The following ARHGEF3 variants were observed in gnomAD, a reference collection of about 807,000 sequenced individuals.
ARHGEF3 encodes Rho guanine nucleotide exchange factor 3, also known as 59.8 kDA protein.
A neutral mutation model predicts 63.2 loss-of-function variants in ARHGEF3; 28 were observed. The observed-to-expected ratio is 0.44, with a 90% CI of 0.33 to 0.61. The LOEUF (loss-of-function observed/expected upper bound fraction) is 0.61, where lower values mean the gene tolerates loss of function less well. ARHGEF3 is among the 20% of genes least tolerant of loss of function. The pLI, the probability that ARHGEF3 is intolerant of heterozygous loss-of-function variation, is 0.03. For synonymous variants in ARHGEF3, 266 were observed against 254.2 expected (o/e 1.05, Z -0.44); for missense variants, 533 against 659.3 (o/e 0.81, Z 2.10).
At chr3:56,942,908 C>T (rs1193754756) in intron 3 of ARHGEF3, among the ~76,000 whole-genome samples, 2 of 152,184 alleles carry the variant, frequency 1.3e-5, no homozygotes, top group East Asian at 1.9e-4. Context: ...CAGAGCAAGG[C>T]CCTAACTCTC....
rs1560156296 is a variant in ARHGEF3 at position 57,042,689 on chromosome 3, TATA to T, written c.-27-7516_-27-7514del. The stretch of plus-strand genomic sequence containing the variant: ...ATATATATATATATATATATATATA[TATA>T]TATATATATTTTTTTTTTTTTTTAG... On this transcript the variant is annotated intron_variant, in intron 1 of 12. Coordinates refer to the ARHGEF3 transcript ENST00000338458. Among the ~76,000 whole-genome samples, 21 of 25,206 alleles carry T rather than the reference TATA, an allele frequency of 8.3e-4. 2 individuals are homozygous for T. The highest frequency in any genetic ancestry group is 1.5e-3 in the South Asian group (1 of 684). The allele number at this position is 25,206 out of a possible 152,430, so 16.5% of individuals were successfully genotyped here.
intron 3 of ARHGEF3, among the ~76,000 whole-genome samples, chr3:56,935,558 C>T (rs935564165): frequency 1.3e-5 from 2 of 152,252 alleles, no homozygotes; most frequent in Middle Eastern, 3.4e-3. Flanking sequence ...AGCTTCACTC[C>T]TGAGCCCAGC....
chr3:56,841,713 T>C (rs2039313946), intron 4 of ARHGEF3, among the ~76,000 whole-genome samples: 1 of 152,132 alleles, frequency 6.6e-6, no homozygotes, highest in Non-Finnish European at 1.5e-5. Flanking sequence ...TCACTGTGAT[T>C]CCATGCTTTA....
chr3:56,857,685 G>C (rs1414696252), intron 4 of ARHGEF3, among the ~76,000 whole-genome samples: 1 of 152,174 alleles, frequency 6.6e-6, no homozygotes, highest in Non-Finnish European at 1.5e-5. Context: ...AAAGAAGCGG[G>C]GAGATGGGGG....
rs973249217 is a variant in ARHGEF3, at chr3:56,734,095, T to C, written c.1042-1671A>G. On this transcript the variant is annotated intron_variant, in intron 8 of 9. Coordinates refer to ENST00000296315, the MANE Select transcript of ARHGEF3 (RefSeq NM_019555.3). ...AGTTGACGACTGATGTGTGTGATGTTGGCAAAAAGAAAATTGCAAAAATGA... is the reference window on the plus strand; with the variant it reads ...AGTTGACGACTGATGTGTGTGATGTCGGCAAAAAGAAAATTGCAAAAATGA... 2.6e-5 allele frequency among the ~76,000 whole-genome samples: 4 copies of C among 152,066 alleles called. No homozygotes were observed. In the South Asian group the frequency reaches 6.2e-4, roughly 24 times the overall value.
intron 3 of ARHGEF3, among the ~76,000 whole-genome samples, chr3:56,924,909 G>A (rs2042238529): frequency 6.6e-6 from 1 of 152,236 alleles, no homozygotes. Flanking sequence ...AGTTGCTCTT[G>A]TTCACATGCC....
Position 56,887,126 on chromosome 3 carries a change from G to A in ARHGEF3, c.130-4772C>T, listed in dbSNP as rs113766701. On this transcript the variant is annotated intron_variant, in intron 3 of 12. Coordinates refer to the ARHGEF3 transcript ENST00000338458. Reference sequence around the variant, plus strand: ...ATCAGTGTCTGCTATCAGGTAGCAGGCATTGGTGGCAAGCACTGGTGGCAA... The same window carrying A: ...ATCAGTGTCTGCTATCAGGTAGCAGACATTGGTGGCAAGCACTGGTGGCAA... 2.5e-3 allele frequency among the ~76,000 whole-genome samples: 385 copies of A among 152,294 alleles called. 3 individuals carry two copies. Among genetic ancestry groups the A allele is most frequent in the African/African-American group, 8.7e-3 (360 of 41,552 alleles).
intron 1 of ARHGEF3, among the ~76,000 whole-genome samples, chr3:56,784,305 T>G (rs564726783): frequency 6.6e-6 from 1 of 152,352 alleles, no homozygotes; most frequent in East Asian, 1.9e-4. Flanking sequence ...TATGCATTTT[T>G]GGCAAGAATG....
At chr3:56,964,922 TG>T (rs1553792612) in intron 2 of ARHGEF3, among the ~76,000 whole-genome samples, 1 of 151,226 alleles carries the variant, frequency 6.6e-6, no homozygotes, top group Non-Finnish European at 1.5e-5. Flanking sequence ...CAAAAAGAGG[TG>T]GAAAGGACAC....
chr3:56,779,490 T>A (rs1009421026), intron 1 of ARHGEF3, among the ~76,000 whole-genome samples: 1 of 151,790 alleles, frequency 6.6e-6, no homozygotes, highest in Non-Finnish European at 1.5e-5. Context: ...TTTTTTATTT[T>A]TTTTTTTTGT....
At chr3:56,808,118 T>G (rs1475703411) in intron 4 of ARHGEF3, among the ~76,000 whole-genome samples, 1 of 137,362 alleles carries the variant, frequency 7.3e-6, no homozygotes, top group Non-Finnish European at 1.5e-5. Context: ...AGTTAGACTC[T>G]GTCTCAAAAA....
chr3:57,008,726 C>CA (rs879362161), intron 2 of ARHGEF3, among the ~76,000 whole-genome samples: 8 of 152,258 alleles, frequency 5.3e-5, no homozygotes, highest in Admixed American at 5.2e-4. Context: ...CCCACCTCAG[C>CA]CTCCCAAAGT....
At chr3:57,022,610 A>G (rs1233439106) in intron 2 of ARHGEF3, among the ~76,000 whole-genome samples, 1 of 152,108 alleles carries the variant, frequency 6.6e-6, no homozygotes, top group Non-Finnish European at 1.5e-5. Context: ...TGAAACTCAC[A>G]GCTGTACCCA....
At chr3:56,828,498 G>A (rs923442722) in intron 4 of ARHGEF3, among the ~76,000 whole-genome samples, 4 of 151,890 alleles carry the variant, frequency 2.6e-5, no homozygotes, top group Admixed American at 6.6e-5. Context: ...TGCGCCACTG[G>A]ACTCTACCCT....
Position 56,842,261 on chromosome 3 carries a change from A to G in ARHGEF3, c.192+40031T>C, listed in dbSNP as rs1195332072. ...ATGTGTATAAATACATTTTTATTTT[A>G]ACAGTTATATATGTCTTTATTTTAA... On this transcript the variant is annotated intron_variant, in intron 4 of 12. Coordinates refer to the ARHGEF3 transcript ENST00000338458. Among the ~76,000 whole-genome samples, 11 of 152,198 alleles carry G rather than the reference A, an allele frequency of 7.2e-5. No homozygotes were observed. In the East Asian group the frequency reaches 2.1e-3, roughly 29 times the overall value.
chr3:57,065,582 T>C (rs1012678163), intron 1 of ARHGEF3, among the ~76,000 whole-genome samples: 6 of 152,180 alleles, frequency 3.9e-5, no homozygotes, highest in African/African-American at 1.4e-4. Context: ...GACTGGGTAC[T>C]TGAAAAGGGT....
In ARHGEF3 at chr3:56,764,029, T is replaced by TA. The variant is rs201157389; in HGVS notation, c.205-8879dup. 8.5e-5 allele frequency among the ~76,000 whole-genome samples: 13 copies of TA among 152,136 alleles called. No individual in the cohort carries two copies. In the East Asian group the frequency reaches 1.4e-3, roughly 16 times the overall value. On this transcript the variant is annotated intron_variant, in intron 2 of 9. Transcript: ENST00000296315. ...TGCAATAAACATAAAACCACATATT[T>TA]ACAATCTGATTCAGATTGATGCACA...
At position 56,873,609 on chromosome 3, in the gene ARHGEF3, T is replaced by C. The variant is rs572850918; in HGVS notation, c.192+8683A>G. On this transcript the variant is annotated intron_variant, in intron 4 of 12. Coordinates refer to the ARHGEF3 transcript ENST00000338458. ...TTATTTTGTAGAGACGAGGTCTCAC[T>C]ATATTGCCCAGGCTGTTCTGGAACT... Among the ~76,000 whole-genome samples, 3 of 152,254 alleles carry C rather than the reference T, an allele frequency of 2.0e-5. No individual in the cohort carries two copies. In the East Asian group the frequency reaches 5.8e-4, roughly 29 times the overall value.
At chr3:56,973,527 G>A (rs527690123) in intron 2 of ARHGEF3, among the ~76,000 whole-genome samples, 166 of 152,262 alleles carry the variant, frequency 1.1e-3, no homozygotes, top group African/African-American at 3.9e-3. Context: ...TAGAGATGTG[G>A]AATTAGCTGC....
Sources: allele counts gnomAD v4.1 joint callset (sites outside exome capture counted in the v4.1 genomes callset), GRCh38; gene constraint gnomAD v4.1.1; transcripts MANE v1.5; gene names NCBI Gene and HGNC (gene_info 2026-07-23, HGNC 2026-07-21).